LRRC49: variants seen among roughly 807,000 people sequenced by gnomAD.
LRRC49 encodes leucine-rich repeat-containing protein 49.
LRRC49 carries 50 observed loss-of-function variants against 83.3 expected under a neutral mutation model. The ratio of observed to expected loss-of-function variants is 0.60; its 90% CI spans 0.48 to 0.76. LRRC49 has a LOEUF of 0.76. Ranked by LOEUF, LRRC49 falls within the 30% of genes least tolerant of loss-of-function variation. The probability of loss-of-function intolerance (pLI) is 0.00; values close to 1 mark genes in which losing one functional copy is unlikely to be tolerated. For missense variants in LRRC49, 704 were observed against 809.1 expected (o/e 0.87, Z 1.58); for synonymous variants, 286 against 283.3 (o/e 1.01, Z -0.10).
intron 2 of LRRC49, among the ~76,000 whole-genome samples, chr15:70,884,907 TTG>T (rs1235640439): frequency 2.0e-5 from 3 of 152,292 alleles, no homozygotes; most frequent in East Asian, 1.9e-4. Context: ...TATTTTGATG[TTG>T]TCTTTTTATG....
chr15:70,916,972 G>C (rs1295385037), intron 6 of LRRC49, among the ~76,000 whole-genome samples: 1 of 152,210 alleles, frequency 6.6e-6, no homozygotes, highest in East Asian at 1.9e-4. Context: ...TGTTTCTGCT[G>C]TCTGGCTTCT....
chr15:70,959,184 A>T (rs1191384987), intron 8 of LRRC49, among the ~76,000 whole-genome samples: 3 of 152,194 alleles, frequency 2.0e-5, no homozygotes, highest in African/African-American at 7.2e-5. Flanking sequence ...TAGAAAAGTG[A>T]TTATTTCTTT....
rs1290447539 is a variant in LRRC49 at position 71,025,471 on chromosome 15, A to G, written c.1704-11708A>G. Among the ~76,000 whole-genome samples, 3 of 152,218 alleles carry G rather than the reference A, an allele frequency of 2.0e-5. No individual in the cohort carries two copies. The East Asian group carries it at 5.8e-4, about 29-fold the overall frequency. On this transcript the variant is annotated intron_variant, in intron 14 of 15. Transcript: ENST00000260382. ...GCAACTACATCAACAAGTCTGCAAA[A>G]TAACCAGCTAGCATCATGATGACAG...
chr15:70,930,246 A>G (rs936322883), intron 7 of LRRC49, among the ~76,000 whole-genome samples: 8 of 152,220 alleles, frequency 5.3e-5, no homozygotes, highest in Admixed American at 3.9e-4. Flanking sequence ...CAGGCATGAA[A>G]ACAACATTAA....
At chr15:71,047,094 T>TA (rs1162854140) in intron 15 of LRRC49, among the ~76,000 whole-genome samples, 1 of 152,236 alleles carries the variant, frequency 6.6e-6, no homozygotes, top group Admixed American at 6.5e-5. Context: ...ACTGTGGCTT[T>TA]ATAGTATAGT....
chr15:70,937,101 T>C lies in LRRC49; in HGVS notation c.773+279T>C, dbSNP rs1284854401. Among the ~76,000 whole-genome samples, 3 of 152,234 alleles carry C rather than the reference T, an allele frequency of 2.0e-5. No homozygotes were observed. The East Asian group carries it at 5.8e-4, about 29-fold the overall frequency. ...ATGAGTACATAGAAATTTCAATGTA[T>C]ATTTTGCTGTCCTTTGTTTGACATT... On this transcript the variant is annotated intron_variant, in intron 8 of 15. Coordinates refer to ENST00000260382, the MANE Select transcript of LRRC49 (RefSeq NM_017691.5).
At chr15:70,857,838 A>G (rs2032689868) in intron 1 of LRRC49, among the ~76,000 whole-genome samples, 1 of 152,232 alleles carries the variant, frequency 6.6e-6, no homozygotes, top group African/African-American at 2.4e-5. Flanking sequence ...TTATTATCAA[A>G]TAGATCTGAA....
At chr15:70,953,322 C>T (rs1216149101) in intron 8 of LRRC49, among the ~76,000 whole-genome samples, 1 of 152,136 alleles carries the variant, frequency 6.6e-6, no homozygotes, top group African/African-American at 2.4e-5. Flanking sequence ...TAAGGCAGGT[C>T]TAGGGGTAAT....
Position 70,856,314 on chromosome 15 carries a change from T to TA in LRRC49, c.-299+2846dup, listed in dbSNP as rs970978402. On this transcript the variant is annotated intron_variant, in intron 1 of 16. Transcript: ENST00000544974. ...TATCTGCCTATGTTGTTTCTGTTAT[T>TA]ACTTATTTCTGACTCCTCATAAAGG... Among the ~76,000 whole-genome samples the TA allele has an allele frequency of 7.0e-4, 106 of 152,328 alleles. 1 individual carries two copies. The highest frequency in any genetic ancestry group is 2.4e-3 in the African/African-American group (100 of 41,582).
intron 8 of LRRC49, among the ~76,000 whole-genome samples, chr15:70,942,931 A>T (rs1209849418): frequency 6.6e-6 from 1 of 152,220 alleles, no homozygotes; most frequent in Non-Finnish European, 1.5e-5. Flanking sequence ...AAATCTATAT[A>T]AATAGCTGTT....
chr15:70,868,927 A>G (rs1165912835), intron 1 of LRRC49, among the ~76,000 whole-genome samples: 1 of 152,222 alleles, frequency 6.6e-6, no homozygotes, highest in Non-Finnish European at 1.5e-5. Flanking sequence ...CATTGATCCC[A>G]CTTCTAGGTA....
chr15:70,907,145 C>T (rs1266583049), intron 5 of LRRC49, among the ~76,000 whole-genome samples: 1 of 152,218 alleles, frequency 6.6e-6, no homozygotes, highest in Non-Finnish European at 1.5e-5. Context: ...GCTGAGGATG[C>T]TGGTAAAGAG....
chr15:70,992,266 T>G (rs944481758), intron 11 of LRRC49, among the ~76,000 whole-genome samples: 2 of 152,202 alleles, frequency 1.3e-5, no homozygotes, highest in Admixed American at 1.3e-4. Context: ...CTTCCTCCAT[T>G]AGCTCGGAGA....
At chr15:70,966,918 GAGAT>G (rs2036815459) in intron 9 of LRRC49, among the ~76,000 whole-genome samples, 1 of 152,134 alleles carries the variant, frequency 6.6e-6, no homozygotes. Flanking sequence ...ACAATCTAGA[GAGAT>G]AAGATTACTA....
At chr15:70,861,660 G>T (rs1374984971) in intron 1 of LRRC49, among the ~76,000 whole-genome samples, 1 of 152,104 alleles carries the variant, frequency 6.6e-6, no homozygotes, top group Non-Finnish European at 1.5e-5. Context: ...TTATCAAATT[G>T]TTTTGACACA....
Position 70,909,432 on chromosome 15 carries a change from A to G in LRRC49, c.501-2100A>G, listed in dbSNP as rs141316987. ...AAATAATGGAATAAAAGGCTTCTCT[A>G]ATAGCTATTAGAAAGCATGGCTCTG... On this transcript the variant is annotated intron_variant, in intron 5 of 15. Transcript: ENST00000260382. Among the ~76,000 whole-genome samples, 181 of 152,332 alleles carry G rather than the reference A, an allele frequency of 1.2e-3. 1 individual carries two copies. The highest frequency in any genetic ancestry group is 2.2e-3 in the Non-Finnish European group (150 of 68,028).
At chr15:70,984,466 T>C (rs2037521666) in intron 11 of LRRC49, 1 of 425,782 alleles carries the variant, frequency 2.3e-6, no homozygotes, top group African/African-American at 2.0e-5. Context: ...TTTCATATTT[T>C]TTATAGGGAA....
chr15:70,891,933 C>T (rs1206715512), upstream of LRRC49: 1 of 1,613,856 alleles, frequency 6.2e-7, no homozygotes, highest in Admixed American at 1.7e-5. Context: ...GCCTGGAGCT[C>T]TCCTCGCGTG....
At chr15:70,893,478 T>G in intron 1 of LRRC49, 106 bp from the exon 2 acceptor site, 1 of 704,856 alleles carries the variant, frequency 1.4e-6, no homozygotes, top group Non-Finnish European at 2.5e-6. Flanking sequence ...AAATAGAGCA[T>G]TGTGTTCTAT....
Sources: allele counts gnomAD v4.1 joint callset (sites outside exome capture counted in the v4.1 genomes callset), GRCh38; gene constraint gnomAD v4.1.1; transcripts MANE v1.5; gene names NCBI Gene and HGNC (gene_info 2026-07-23, HGNC 2026-07-21).